Variants in IRS2 observed in about 807,000 individuals in gnomAD.
IRS2 encodes insulin receptor substrate 2.
IRS2 carries 28 observed loss-of-function variants against 70.9 expected under a neutral mutation model. The ratio of observed to expected loss-of-function variants is 0.39; its 90% CI spans 0.29 to 0.54. IRS2 has a LOEUF of 0.54. IRS2 is among the 20% of genes least tolerant of loss of function. The pLI, the probability that IRS2 is intolerant of heterozygous loss-of-function variation, is 0.59. For synonymous variants in IRS2, 1,217 were observed against 981.9 expected, an observed-to-expected ratio of 1.24 and a Z score of -4.48; for missense variants, 2,081 against 2,024.1, an observed-to-expected ratio of 1.03 and a Z score of -0.54.
In IRS2 at chr13:109,782,283, G is replaced by C. The variant is rs369411899; in HGVS notation, c.3771C>G (p.Asp1257Glu). The C allele has an allele frequency of 6.2e-7, 1 of 1,611,072 alleles. No individual in the cohort carries two copies. The highest frequency in any genetic ancestry group is 8.5e-7 in the Non-Finnish European group (1 of 1,179,282). Residue 1257 changes from aspartate to glutamate, a missense_variant, in exon 1 of 2, where the codon GAC becomes GAG. Physicochemically the swap from Asp to Glu is conservative, Grantham distance 45 (BLOSUM62 2). This residue lies in a region of IRS2 where 1,615 missense variants were observed against 1,459.5 expected (regional missense o/e 1.11). Coordinates refer to ENST00000375856, the MANE Select transcript of IRS2 (RefSeq NM_003749.3). ...GTGGCAGCCCGGGCTCCTCCCTCAC[G>C]TCGATGGCGATGTAGTTGAGACCAT... ...FQNGLNYIAIDVREEPGLPPQ... is the reference protein window; with the variant it reads ...FQNGLNYIAIEVREEPGLPPQ...
intron 1 of IRS2, among the ~76,000 whole-genome samples, chr13:109,758,729 C>A (rs575113629): frequency 6.6e-6 from 1 of 151,364 alleles, no homozygotes; most frequent in East Asian, 1.9e-4. Context: ...GGAAGTAATT[C>A]ATCCATGCAT....
rs1221623891 is a variant in IRS2, at chr13:109,752,882, A to G, written c.*3422T>C. 6.9e-6 allele frequency: 1 copy of G among 145,870 alleles called. No individual in the cohort carries two copies. Among genetic ancestry groups the G allele is most frequent in the Admixed American group, 6.8e-5 (1 of 14,686 alleles). The allele number at this position is 145,870 out of a possible 1,614,324, so 9.0% of individuals were successfully genotyped here. A position where few individuals can be genotyped will look rare whatever the true frequency, so the allele number is the denominator to read the frequency against. On this transcript the variant is annotated 3_prime_UTR_variant, in exon 2 of 2. Coordinates refer to ENST00000375856, the MANE Select transcript of IRS2 (RefSeq NM_003749.3). ...GAATTGCATTTTCCTGGATCTGATG[A>G]TTTTCTTCTTTGTATTCTTGATGTA...
chr13:109,786,148 T>G lies in IRS2; in HGVS notation c.-95A>C. On this transcript the variant is annotated 5_prime_UTR_variant, in exon 1 of 2. Transcript: ENST00000375856. The surrounding 1 kb of genome is among the most constrained non-coding windows in gnomAD (Gnocchi z 4.4). ...GGGCGGGGGCGGCTCCCTCCCACCC[T>G]TGCGCCCGGCCGCCCGCCCGATCAC... The G allele has an allele frequency of 2.9e-6, 2 of 696,216 alleles. No individual in the cohort carries two copies. Among genetic ancestry groups the G allele is most frequent in the Non-Finnish European group, 3.5e-6 (2 of 569,266 alleles). 43.1% of individuals were successfully genotyped at this position (696,216 alleles called of 1,614,324 possible).
chr13:109,778,430 T>C (rs1232786061), intron 1 of IRS2, among the ~76,000 whole-genome samples: 1 of 152,210 alleles, frequency 6.6e-6, no homozygotes, highest in Non-Finnish European at 1.5e-5. Flanking sequence ...CGGTGTGTGT[T>C]TTCATTAGCA....
At position 109,785,188 on chromosome 13, in the gene IRS2, T is replaced by C. The variant is rs1442143815; in HGVS notation, c.866A>G (p.Glu289Gly). The change falls in exon 1 of 2, where the codon GAG becomes GGG. Residue 289 changes from glutamate (E) to glycine (G), a missense_variant. Coordinates refer to ENST00000375856, the MANE Select transcript of IRS2 (RefSeq NM_003749.3). The surrounding 1 kb of genome is among the most constrained non-coding windows in gnomAD (Gnocchi z 9.3). Reference sequence around the variant, plus strand: ...GAGCTCCTTGAGCGCCTTCATGGCCTCCAGGATGGTCTCGTGGATGTTCTG... The same window carrying C: ...GAGCTCCTTGAGCGCCTTCATGGCCCCCAGGATGGTCTCGTGGATGTTCTG... ...VAQNIHETIL[E>G]AMKALKELFE... The C allele has an allele frequency of 6.2e-7, 1 of 1,602,764 alleles. No homozygotes were observed. Among genetic ancestry groups the C allele is most frequent in the Non-Finnish European group, 8.5e-7 (1 of 1,175,484 alleles).
In IRS2 at chr13:109,783,680, C is replaced by A. The variant is rs2138933375; in HGVS notation, c.2374G>T (p.Gly792Trp). Residue 792 changes from glycine (G) to tryptophan (W), a missense_variant, in exon 1 of 2, where the codon GGG becomes TGG. Physicochemically the swap from Gly to Trp is radical, Grantham distance 184. Transcript: ENST00000375856. ...CCGGGAACGCCCCTGAGCGGCTCCC[C>A]GCCGGGGTGCAGGGCTGCGGAGAAG... Reference protein sequence around the residue: ...DFFSAALHPGGEPLRGVPGCC... With the variant: ...DFFSAALHPGWEPLRGVPGCC... The A allele has an allele frequency of 6.4e-7, 1 of 1,558,742 alleles. No homozygotes were observed. The highest frequency in any genetic ancestry group is 8.7e-7 in the Non-Finnish European group (1 of 1,151,366).
In IRS2 at chr13:109,782,587, G is replaced by A. The variant is rs2138930110; in HGVS notation, c.3467C>T (p.Thr1156Met). The A allele has an allele frequency of 6.3e-7, 1 of 1,576,912 alleles. No individual in the cohort carries two copies. ...GGACGGGGACACGGGGGTGACCGTC[G>A]TGGTGGAGGAGAAGGTCTCGGAACT... ...RHSSETFSST[T>M]TVTPVSPSFA... The change falls in exon 1 of 2, where the codon ACG (threonine) becomes ATG (methionine). Residue 1156 changes from threonine to methionine, a missense_variant. Transcript: ENST00000375856.
rs1485542043 is a variant in IRS2, at chr13:109,769,053, T to C, written c.4013-12745A>G. Among the ~76,000 whole-genome samples, 4 of 152,258 alleles carry C rather than the reference T, an allele frequency of 2.6e-5. No homozygotes were observed. In the East Asian group the frequency reaches 5.8e-4, roughly 22 times the overall value. On this transcript the variant is annotated intron_variant, in intron 1 of 1. Coordinates refer to ENST00000375856, the MANE Select transcript of IRS2 (RefSeq NM_003749.3). ...TGATTACAAACTTGTGCTTTTGTTT[T>C]GCAGTTTATCCTGTAAGCACGTCCC... is the stretch of plus-strand genomic sequence containing the variant.
intron 1 of IRS2, among the ~76,000 whole-genome samples, chr13:109,781,282 C>T (rs1367360129): frequency 6.6e-6 from 1 of 152,148 alleles, no homozygotes; most frequent in Non-Finnish European, 1.5e-5. Context: ...AAATGCACAG[C>T]CTGGGCCGCG....
chr13:109,775,396 GGCATGAGCCACC>G (rs1877550805), intron 1 of IRS2, among the ~76,000 whole-genome samples: 1 of 151,924 alleles, frequency 6.6e-6, no homozygotes, highest in East Asian at 1.9e-4. Context: ...TGGGATTACA[GGCATGAGCCACC>G]AAGCTCATCC....
intron 1 of IRS2, among the ~76,000 whole-genome samples, chr13:109,763,934 A>G (rs1185425511): frequency 6.6e-6 from 1 of 152,224 alleles, no homozygotes; most frequent in Non-Finnish European, 1.5e-5. Flanking sequence ...AAATAACTGT[A>G]GGTAAATCCC....
In IRS2 at chr13:109,782,049, G is replaced by C. The variant is rs1387473437; in HGVS notation, c.4005C>G (p.Ile1335Met). ...GGCAAAGGGCCTCCTCACCTTTCACGATGGTGGCCTCCTTCAAGTGGTGGG... is the reference window on the plus strand; with the variant it reads ...GGCAAAGGGCCTCCTCACCTTTCACCATGGTGGCCTCCTTCAAGTGGTGGG... Reference protein sequence around the residue: ...FLSHHLKEATIVKE With the variant: ...FLSHHLKEATMVKE Residue 1335 changes from isoleucine to methionine, a missense_variant, in exon 1 of 2, where the codon ATC becomes ATG. By Grantham distance (10) the Ile-to-Met change is conservative (BLOSUM62 1). Around this residue, in one of 4 missense-constraint regions of IRS2, gnomAD observed 1,615 missense variants for 1,459.5 expected, o/e 1.11. Transcript: ENST00000375856. 6.2e-7 allele frequency: 1 copy of C among 1,612,394 alleles called. No homozygotes were observed. The highest frequency in any genetic ancestry group is 1.1e-5 in the South Asian group (1 of 91,036).
chr13:109,783,983 G>A lies in IRS2; in HGVS notation c.2071C>T (p.Gln691Ter), dbSNP rs2138934319. 1 of 1,528,886 alleles carries A rather than the reference G, an allele frequency of 6.5e-7. No individual in the cohort carries two copies. The highest frequency in any genetic ancestry group is 8.8e-7 in the Non-Finnish European group (1 of 1,142,578). 94.7% of individuals were successfully genotyped at this position (1,528,886 alleles called of 1,614,324 possible). A position where few individuals can be genotyped will look rare whatever the true frequency, so the allele number is the denominator to read the frequency against. Residue 691 changes from glutamine to a stop codon, truncating the protein, a stop_gained, in exon 1 of 2, where the codon CAG becomes TAG. Transcript: ENST00000375856. LOFTEE classifies it high-confidence loss of function. Reference sequence around the variant, plus strand: ...GCGGCGGCGGCGGCGGCCCTGGGCTGCAAGATCTGCTTGGGGGCGGACACG... The same window carrying A: ...GCGGCGGCGGCGGCGGCCCTGGGCTACAAGATCTGCTTGGGGGCGGACACG... ...ASVSAPKQIL[Q>*]PRAAAAAAAA...
chr13:109,772,757 G>A lies in IRS2; in HGVS notation c.4012+9285C>T, dbSNP rs533345623. ...AGGCCGGACTGCGGACTGCAGTGGCGCGATCTCGGCTCACTGCAAGCTCCG... is the reference window on the plus strand; with the variant it reads ...AGGCCGGACTGCGGACTGCAGTGGCACGATCTCGGCTCACTGCAAGCTCCG... On this transcript the variant is annotated intron_variant, in intron 1 of 1. Coordinates refer to ENST00000375856, the MANE Select transcript of IRS2 (RefSeq NM_003749.3). Among the ~76,000 whole-genome samples the A allele has an allele frequency of 2.2e-3, 325 of 149,868 alleles. 2 individuals are homozygous for A. The highest frequency in any genetic ancestry group is 2.6e-3 in the Non-Finnish European group (175 of 67,660).
chr13:109,783,515 G>C lies in IRS2; in HGVS notation c.2539C>G (p.Pro847Ala). 6.5e-7 allele frequency: 1 copy of C among 1,547,914 alleles called. No individual in the cohort carries two copies. Among genetic ancestry groups the C allele is most frequent in the Non-Finnish European group, 8.7e-7 (1 of 1,146,286 alleles). ...CCGAAGGCGCTGGCCGCCTGGCTGG[G>C]CCCTGGCGTGGCCTGAGGCTCCAGA... ...ERLEPQATPGPSQAASAFGAG... is the reference protein window; with the variant it reads ...ERLEPQATPGASQAASAFGAG... The change falls in exon 1 of 2, where the codon CCC becomes GCC. Residue 847 changes from proline to alanine, a missense_variant. Pro to Ala is a conservative substitution (Grantham distance 27). Around this residue, in one of 4 missense-constraint regions of IRS2, gnomAD observed 1,615 missense variants for 1,459.5 expected, o/e 1.11. Coordinates refer to ENST00000375856, the MANE Select transcript of IRS2 (RefSeq NM_003749.3).
chr13:109,766,747 C>T (rs530845389), intron 1 of IRS2, among the ~76,000 whole-genome samples: 5 of 124,240 alleles, frequency 4.0e-5, no homozygotes, highest in African/African-American at 1.4e-4. Flanking sequence ...GTAGATATCC[C>T]AGCCTCATCC....
At chr13:109,777,752 C>A (rs115284272) in intron 1 of IRS2, among the ~76,000 whole-genome samples, 2,288 of 152,202 alleles carry the variant, frequency 0.015, 69 homozygotes, top group African/African-American at 0.052. Context: ...ATATAAAAAC[C>A]AGTAATAAAA....
At chr13:109,775,753 A>AACACACACACACAC (rs71127906) in intron 1 of IRS2, among the ~76,000 whole-genome samples, 117 of 140,530 alleles carry the variant, frequency 8.3e-4, no homozygotes, top group Non-Finnish European at 1.1e-3. Context: ...ATATTATGGA[A>AACACACACACACAC]ACACACACAC....
intron 1 of IRS2, among the ~76,000 whole-genome samples, chr13:109,765,121 C>A (rs1877307165): frequency 6.6e-6 from 1 of 152,166 alleles, no homozygotes; most frequent in South Asian, 2.1e-4. Flanking sequence ...CTGGTCCAGG[C>A]CACTGGGGGA....
Sources: allele counts gnomAD v4.1 joint callset (sites outside exome capture counted in the v4.1 genomes callset), GRCh38; gene constraint gnomAD v4.1.1; regional missense constraint gnomAD v4.1.1; non-coding constraint Gnocchi (gnomAD v3.1); transcripts MANE v1.5; gene names NCBI Gene and HGNC (gene_info 2026-07-23, HGNC 2026-07-21).